Variants in GIPR observed in about 807,000 individuals in gnomAD.
GIPR encodes the protein gastric inhibitory polypeptide receptor.
Under a neutral mutation model 62.2 loss-of-function variants are expected in GIPR, and 74 were observed. The observed-to-expected ratio is 1.19, with a 90% confidence interval of 0.99 to 1.44. GIPR has a LOEUF of 1.44. GIPR is among the 40% of genes most tolerant of loss of function. The probability of loss-of-function intolerance (pLI) is 0.00; values close to 1 mark genes in which losing one functional copy is unlikely to be tolerated. For missense variants in GIPR, 664 were observed against 611.8 expected, an observed-to-expected ratio of 1.09 and a Z score of -0.90; for synonymous variants, 256 against 262.2, an observed-to-expected ratio of 0.98 and a Z score of 0.23.
intron 6 of GIPR, 88 bp from the exon 7 acceptor site, chr19:45,674,594 G>T: frequency 8.4e-7 from 1 of 1,195,816 alleles, no homozygotes. Context: ...GTGACAGAGT[G>T]AGACCCTGTT....
chr19:45,674,099 T>G lies in GIPR; in HGVS notation c.410T>G (p.Leu137Trp). Residue 137 changes from leucine to tryptophan, a missense_variant, in exon 6 of 14, where the codon TTG becomes TGG. Coordinates refer to ENST00000590918, the MANE Select transcript of GIPR (RefSeq NM_000164.4). ...FLDQRLILER[L>W]QVMYTVGYSL... is the part of the protein sequence containing the mutation. ...GACCAAAGGCTCATCTTGGAGCGGT[T>G]GCAGGTCATGTACACTGTCGGCTAC... The G allele has an allele frequency of 6.2e-7, 1 of 1,612,782 alleles. No homozygotes were observed. The highest frequency in any genetic ancestry group is 1.1e-5 in the South Asian group (1 of 91,044).
In GIPR at chr19:45,677,003, A is replaced by G. The variant is rs781376749; in HGVS notation, c.688A>G (p.Asn230Asp). Reference sequence around the variant, plus strand: ...CGTGACCCAGTACTGCGTGGGTGCCAACTACACGTGGCTGCTGGTGGAGGG... The same window carrying G: ...CGTGACCCAGTACTGCGTGGGTGCCGACTACACGTGGCTGCTGGTGGAGGG... The part of the protein sequence containing the change: ...QIVTQYCVGA[N>D]YTWLLVEGVY... Residue 230 changes from asparagine (N) to aspartate (D), a missense_variant, in exon 8 of 14, where the codon AAC (asparagine) becomes GAC (aspartate). Coordinates refer to ENST00000590918, the MANE Select transcript of GIPR (RefSeq NM_000164.4). 11 of 1,614,038 alleles carry G rather than the reference A, an allele frequency of 6.8e-6. No homozygotes were observed. The South Asian group carries it at 9.9e-5, about 14-fold the overall frequency.
rs1568531745 is a variant in GIPR, at chr19:45,683,430, T to C, written c.*1495T>C. The C allele has an allele frequency of 6.6e-6, 1 of 152,148 alleles. No homozygotes were observed. The highest frequency in any genetic ancestry group is 1.5e-5 in the Non-Finnish European group (1 of 68,062). The allele number at this position is 152,148 out of a possible 1,614,324, so 9.4% of individuals were successfully genotyped here. A position where few individuals can be genotyped will look rare whatever the true frequency, so the allele number is the denominator to read the frequency against. Reference sequence around the variant, plus strand: ...GGGTGGCCCCTGGAACCTGGGAGAATGAGGGGGCATGCTGACAGTCTCATT... The same window carrying C: ...GGGTGGCCCCTGGAACCTGGGAGAACGAGGGGGCATGCTGACAGTCTCATT... On this transcript the variant is annotated 3_prime_UTR_variant, in exon 14 of 14. Coordinates refer to ENST00000590918, the MANE Select transcript of GIPR (RefSeq NM_000164.4).
rs552883021 is a variant in GIPR, at chr19:45,671,351, C to G, written c.239C>G (p.Ala80Gly). The G allele has an allele frequency of 1.2e-6, 2 of 1,612,314 alleles. No homozygotes were observed. The highest frequency in any genetic ancestry group is 1.7e-6 in the Non-Finnish European group (2 of 1,179,598). Residue 80 changes from alanine to glycine, a missense_variant, in exon 4 of 14, where the codon GCC becomes GGC. Coordinates refer to ENST00000590918, the MANE Select transcript of GIPR (RefSeq NM_000164.4). ...CWDYAAPNAT[A>G]RASCPWYLPW... ...GACTATGCTGCACCCAATGCCACTGCCCGTGCGTCCTGCCCCTGGTACCTG... is the reference window on the plus strand; with the variant it reads ...GACTATGCTGCACCCAATGCCACTGGCCGTGCGTCCTGCCCCTGGTACCTG...
intron 8 of GIPR, 50 bp downstream of exon 8, chr19:45,677,158 TC>T: frequency 6.3e-7 from 1 of 1,588,188 alleles, no homozygotes. Context: ...TCTCCTCGGC[TC>T]CCCCAACTGC....
At chr19:45,670,545 G>C in intron 2 of GIPR, 90 bp from the exon 3 acceptor site, 1 of 831,704 alleles carries the variant, frequency 1.2e-6, no homozygotes. Context: ...GACCCTCAAA[G>C]TCTCTCTGGG....
Position 45,674,171 on chromosome 19 carries a change from T to A in GIPR, c.482T>A (p.Leu161Ter), listed in dbSNP as rs775963892. 3 of 1,608,676 alleles carry A rather than the reference T, an allele frequency of 1.9e-6. No individual in the cohort carries two copies. Among genetic ancestry groups the A allele is most frequent in the Non-Finnish European group, 8.5e-7 (1 of 1,175,030 alleles). ...CTGCTAGCCCTGCTCATCTTGAGTT[T>A]GTTCAGGTGGGACCTTAACCCTGAG... ...TLLLALLILS[L>*]FRRLHCTRNY... is the part of the protein sequence containing the mutation. Residue 161 changes from leucine to a stop codon, truncating the protein, a stop_gained, in exon 6 of 14, where the codon TTG becomes TAG. Transcript: ENST00000590918. LOFTEE classifies it high-confidence loss of function.
chr19:45,669,675 G>C lies in GIPR; in HGVS notation c.72+83G>C, dbSNP rs144089862. On this transcript the variant is annotated intron_variant, in intron 2 of 13. Coordinates refer to ENST00000590918, the MANE Select transcript of GIPR (RefSeq NM_000164.4). ...TTAGGGCTTCCGTCGTCAGGGCGCT[G>C]TCGCTCACGCCTGTAATCCCAGCAC... 7,386 of 1,514,970 alleles carry C rather than the reference G, an allele frequency of 4.9e-3. 21 individuals carry two copies. The highest frequency in any genetic ancestry group is 8.6e-3 in the Admixed American group (433 of 50,130). The allele number at this position is 1,514,970 out of a possible 1,614,324, so 93.8% of individuals were successfully genotyped here.
intron 2 of GIPR, 101 bp downstream of exon 2, chr19:45,669,693 C>T (rs1975436432): frequency 1.4e-6 from 2 of 1,473,350 alleles, no homozygotes; most frequent in Admixed American, 2.1e-5. Flanking sequence ...CGCCTGTAAT[C>T]CCAGCACTTT....
In GIPR at chr19:45,676,341, C is replaced by T. The variant is rs141749795; in HGVS notation, c.634-608C>T. On this transcript the variant is annotated intron_variant, in intron 7 of 13. Transcript: ENST00000590918. ...TTTTGGGGATCTAGGGGGGAACTGA[C>T]GGCAATGATGGAAGATACCAATTAT... 5.3e-3 allele frequency among the ~76,000 whole-genome samples: 800 copies of T among 150,746 alleles called. 3 individuals are homozygous for T. Among genetic ancestry groups the T allele is most frequent in the Non-Finnish European group, 8.3e-3 (560 of 67,858 alleles).
rs1967289550 is a variant in GIPR at position 45,682,283 on chromosome 19, G to T, written c.*348G>T. The stretch of plus-strand genomic sequence containing the variant: ...GGCGGAAGCGATAGCATAGGCAAAG[G>T]CCCTTGGGCAGGAAGGCGCTCAGCC... On this transcript the variant is annotated 3_prime_UTR_variant, in exon 14 of 14. Coordinates refer to ENST00000590918, the MANE Select transcript of GIPR (RefSeq NM_000164.4). 2.1e-5 allele frequency: 6 copies of T among 285,120 alleles called. No individual in the cohort carries two copies. The highest frequency in any genetic ancestry group is 1.1e-3 in the Middle Eastern group (1 of 896). 17.7% of individuals were successfully genotyped at this position (285,120 alleles called of 1,614,324 possible). A position where few individuals can be genotyped will look rare whatever the true frequency, so the allele number is the denominator to read the frequency against.
At chr19:45,678,410 C>A in intron 12 of GIPR, 184 bp downstream of exon 12, 1 of 751,952 alleles carries the variant, frequency 1.3e-6, no homozygotes, top group African/African-American at 1.7e-5. Flanking sequence ...GTCGCCCAGG[C>A]TGGAGTACAG....
In GIPR at chr19:45,677,296, GGGGGGGCGGGGTC is replaced by G; in HGVS notation, c.794-22_794-10del. The G allele has an allele frequency of 6.8e-7, 1 of 1,469,294 alleles. No individual in the cohort carries two copies. The highest frequency in any genetic ancestry group is 9.3e-7 in the Non-Finnish European group (1 of 1,080,728). The allele number at this position is 1,469,294 out of a possible 1,614,324, so 91.0% of individuals were successfully genotyped here. ...AGCGCGCTGACAGCTGCGGCGGGGT[GGGGGGGCGGGGTC>G]GGGGTCTGCACAGGGGCCCCCGCGC... On this transcript the variant is annotated splice_polypyrimidine_tract_variant and intron_variant, in intron 8 of 13. Coordinates refer to ENST00000590918, the MANE Select transcript of GIPR (RefSeq NM_000164.4).
At chr19:45,677,532 AGGTT>A in intron 9 of GIPR, 149 bp downstream of exon 9, 1 of 628,602 alleles carries the variant, frequency 1.6e-6, no homozygotes, top group Non-Finnish European at 2.8e-6. Context: ...GAGCTAGGAA[AGGTT>A]GTGTTCCAGG....
At chr19:45,681,185 G>A (rs1266590662) in intron 12 of GIPR, among the ~76,000 whole-genome samples, 4 of 151,866 alleles carry the variant, frequency 2.6e-5, no homozygotes, top group Admixed American at 1.3e-4. Flanking sequence ...TGGCAAGGGC[G>A]CGAGCTTATT....
chr19:45,668,903 G>A (rs890368612), intron 1 of GIPR, among the ~76,000 whole-genome samples: 7 of 152,204 alleles, frequency 4.6e-5, no homozygotes, highest in Non-Finnish European at 7.3e-5. Flanking sequence ...GTAAGGTCAG[G>A]TTCCTATGTG....
intron 12 of GIPR, among the ~76,000 whole-genome samples, chr19:45,679,063 C>T (rs1967100138): frequency 6.6e-6 from 1 of 152,242 alleles, no homozygotes; most frequent in East Asian, 1.9e-4. Context: ...TCATTAAATT[C>T]AGCAAAAAAT....
At position 45,677,103 on chromosome 19, in the gene GIPR, G is replaced by C; in HGVS notation, c.788G>C (p.Gly263Ala). 1 of 1,613,348 alleles carries C rather than the reference G, an allele frequency of 6.2e-7. No homozygotes were observed. Among genetic ancestry groups the C allele is most frequent in the Non-Finnish European group, 8.5e-7 (1 of 1,179,946 alleles). Residue 263 changes from glycine (G) to alanine (A), a missense_variant, in exon 8 of 14, where the codon GGC (glycine) becomes GCC (alanine). Gly to Ala is a moderately conservative substitution (Grantham distance 60). Coordinates refer to ENST00000590918, the MANE Select transcript of GIPR (RefSeq NM_000164.4). ...CACTTCCGCTACTACCTGCTCCTCG[G>C]CTGGGGTGAGCTCCGATCCCGTCCC... ...EGHFRYYLLL[G>A]WGAPALFVIP... is the part of the protein sequence containing the mutation.
At chr19:45,672,975 C>G (rs768271763) in intron 5 of GIPR, 21 bp downstream of exon 5, 2 of 1,385,300 alleles carry the variant, frequency 1.4e-6, no homozygotes, top group South Asian at 2.3e-5. Context: ...GTGAGGGCTT[C>G]AGGTTAGGAG....
Sources: gnomAD v4.1 joint callset for allele counts (sites outside exome capture counted in the v4.1 genomes callset) on GRCh38, gnomAD v4.1.1 for gene constraint, MANE v1.5 for transcripts, NCBI Gene and HGNC (gene_info 2026-07-23, HGNC 2026-07-21) for gene names.